Variants in ZNF324B observed in about 807,000 individuals in gnomAD.
ZNF324B encodes the protein zinc finger protein 324B.
ZNF324B carries 7 observed loss-of-function variants against 10.6 expected under a neutral mutation model. The observed-to-expected ratio is 0.66, with a 90% CI of 0.38 to 1.24. The LOEUF (loss-of-function observed/expected upper bound fraction) is 1.24, where lower values mean the gene tolerates loss of function less well. Among genes scored for constraint, ZNF324B ranks in the 50% most tolerant of loss-of-function variants. The pLI, the probability that ZNF324B is intolerant of heterozygous loss-of-function variation, is 0.02. For synonymous variants in ZNF324B, 316 were observed against 321.0 expected, an observed-to-expected ratio of 0.98 and a Z score of 0.17; for missense variants, 640 against 764.7, an observed-to-expected ratio of 0.84 and a Z score of 1.92.
chr19:58,419,783 AC>A, the ZNF324B span, among the ~76,000 whole-genome samples: 7 of 152,280 alleles, frequency 4.6e-5, no homozygotes, highest in African/African-American at 1.4e-4. Flanking sequence ...CAAGAGAGAC[AC>A]GTAGGGTAAC....
At chr19:58,434,735 C>G in the ZNF324B span, 1 of 1,614,130 alleles carries the variant, frequency 6.2e-7, no homozygotes, top group Non-Finnish European at 8.5e-7. Context: ...TTGCTGCACT[C>G]GAAGAGTTTC....
the ZNF324B span, among the ~76,000 whole-genome samples, chr19:58,428,449 C>T: frequency 2.6e-5 from 4 of 152,172 alleles, no homozygotes; most frequent in African/African-American, 9.7e-5. Flanking sequence ...ATTGTCTCCC[C>T]ACCCCTTAAG....
At chr19:58,453,955 C>T (rs2122352358) in intron 2 of ZNF324B, 133 bp downstream of exon 2, 2 of 1,384,124 alleles carry the variant, frequency 1.4e-6, no homozygotes, top group Non-Finnish European at 1.9e-6. Flanking sequence ...CCTGTAGACA[C>T]AAAGTTTGGT....
the ZNF324B span, among the ~76,000 whole-genome samples, chr19:58,419,962 A>G: frequency 1.3e-5 from 2 of 152,102 alleles, no homozygotes; most frequent in South Asian, 2.1e-4. Context: ...ACAGTTACAC[A>G]CCACCACACT....
chr19:58,435,095 C>T, the ZNF324B span: 1 of 1,614,188 alleles, frequency 6.2e-7, no homozygotes, highest in South Asian at 1.1e-5. Context: ...CCACACATGT[C>T]ACAGGAGTTA....
At chr19:58,440,246 C>T in the ZNF324B span, 1 of 246,756 alleles carries the variant, frequency 4.1e-6, no homozygotes, top group African/African-American at 2.4e-5. Flanking sequence ...GTCTATGACG[C>T]TATTTCCCTA....
chr19:58,452,802 G>A (rs528784624), intron 1 of ZNF324B: 11 of 243,120 alleles, frequency 4.5e-5, no homozygotes, highest in Middle Eastern at 2.1e-3. Context: ...ACCGGCTGGG[G>A]TGCCTGAGGC....
chr19:58,427,431 C>CCT, the ZNF324B span, among the ~76,000 whole-genome samples: 33 of 30,766 alleles, frequency 1.1e-3, no homozygotes, highest in African/African-American at 7.4e-4. Flanking sequence ...TCCTTCCTTC[C>CCT]TTCCTTCCTT....
At chr19:58,450,857 G>T (rs1396204490), upstream of ZNF324B, among the ~76,000 whole-genome samples, 149 of 152,190 alleles carry the variant, frequency 9.8e-4, 1 homozygote, top group Admixed American at 9.8e-3. Flanking sequence ...GCCTTTTGTT[G>T]TTATGTGTCA....
At chr19:58,444,638 G>C in the ZNF324B span, 2 of 152,318 alleles carry the variant, frequency 1.3e-5, no homozygotes, top group Admixed American at 6.5e-5. Context: ...GGGCCCTGCA[G>C]CTCCACATTT....
Position 58,457,178 on chromosome 19 carries a change from C to T in ZNF324B, c.*599C>T, listed in dbSNP as rs1386946742. On this transcript the variant is annotated 3_prime_UTR_variant, in exon 4 of 4. Transcript: ENST00000336614. Reference sequence around the variant, plus strand: ...TCAGCATCATGTTTGCAGATGCTGACAGACGGGATCCTAATGAGAGTCAAT... The same window carrying T: ...TCAGCATCATGTTTGCAGATGCTGATAGACGGGATCCTAATGAGAGTCAAT... The T allele has an allele frequency of 6.4e-6, 1 of 155,890 alleles. No homozygotes were observed. Among genetic ancestry groups the T allele is most frequent in the African/African-American group, 2.4e-5 (1 of 41,472 alleles). The allele number at this position is 155,890 out of a possible 1,614,324, so 9.7% of individuals were successfully genotyped here. A position where few individuals can be genotyped will look rare whatever the true frequency, so the allele number is the denominator to read the frequency against.
At chr19:58,430,863 T>G in the ZNF324B span, 1 of 152,234 alleles carries the variant, frequency 6.6e-6, no homozygotes, top group Non-Finnish European at 1.5e-5. Context: ...TGCCCGGTGT[T>G]ATCTGATGTT....
At chr19:58,449,219 C>T (rs1178183023), upstream of ZNF324B, among the ~76,000 whole-genome samples, 2 of 152,212 alleles carry the variant, frequency 1.3e-5, no homozygotes, top group African/African-American at 2.4e-5. Flanking sequence ...GTGCACAGAA[C>T]TCAAGAACTG....
chr19:58,420,016 C>T, the ZNF324B span, among the ~76,000 whole-genome samples: 2 of 152,200 alleles, frequency 1.3e-5, no homozygotes, highest in South Asian at 2.1e-4. Context: ...GCGTGGTGGT[C>T]GATGCATGTA....
At chr19:58,435,323 T>C in the ZNF324B span, 1 of 1,257,112 alleles carries the variant, frequency 8.0e-7, no homozygotes, top group Non-Finnish European at 1.1e-6. Context: ...CAGGGATTGC[T>C]GACAGGCCAA....
At chr19:58,453,435 A>T (rs2052881410) in intron 1 of ZNF324B, among the ~76,000 whole-genome samples, 1 of 152,194 alleles carries the variant, frequency 6.6e-6, no homozygotes, top group South Asian at 2.1e-4. Context: ...TGTGGCAGCT[A>T]AGGGCCCAGC....
the ZNF324B span, chr19:58,440,089 G>T: frequency 4.1e-6 from 2 of 487,190 alleles, no homozygotes; most frequent in Non-Finnish European, 7.2e-6. Flanking sequence ...CCACTCCCGT[G>T]CCCTGGTGTG....
chr19:58,423,160 C>T, the ZNF324B span, among the ~76,000 whole-genome samples: 4 of 147,654 alleles, frequency 2.7e-5, no homozygotes, highest in African/African-American at 5.0e-5. Flanking sequence ...TGAACCACCA[C>T]ACCCGGCTGT....
chr19:58,448,758 G>A (rs1368445347), upstream of ZNF324B, among the ~76,000 whole-genome samples: 1 of 152,084 alleles, frequency 6.6e-6, no homozygotes, highest in Non-Finnish European at 1.5e-5. Context: ...AAAGTATCTG[G>A]TGGAAGAAAT....
Sources: gnomAD v4.1 joint callset for allele counts (sites outside exome capture counted in the v4.1 genomes callset) on GRCh38, gnomAD v4.1.1 for gene constraint, MANE v1.5 for transcripts, NCBI Gene and HGNC (gene_info 2026-07-23, HGNC 2026-07-21) for gene names.